Variants in ANK1 observed in about 807,000 individuals in gnomAD.
ANK1 encodes the protein ankyrin 1, also known as ankyrin-1.
A neutral mutation model predicts 210.4 loss-of-function variants in ANK1; 51 were observed. The ratio of observed to expected loss-of-function variants is 0.24; its 90% confidence interval spans 0.19 to 0.31. The LOEUF is 0.31. Ranked by LOEUF, ANK1 falls within the 10% of genes least tolerant of loss-of-function variation. The pLI is 1.00. For missense variants in ANK1, 2,051 were observed against 2,504.4 expected (o/e 0.82, Z 3.86); for synonymous variants, 967 against 1,025.9 (o/e 0.94, Z 1.10).
intron 1 of ANK1, among the ~76,000 whole-genome samples, chr8:41,871,889 C>T (rs1315536116): frequency 6.6e-6 from 1 of 152,214 alleles, no homozygotes; most frequent in Non-Finnish European, 1.5e-5. Flanking sequence ...ACCCACCCAG[C>T]ACAAGCAGAC....
chr8:41,736,903 C>T (rs766867039), intron 2 of ANK1, among the ~76,000 whole-genome samples: 39 of 152,278 alleles, frequency 2.6e-4, no homozygotes, highest in Admixed American at 6.5e-4. Flanking sequence ...AGTAGTCAAA[C>T]GATTGGCAGA....
chr8:41,725,385 C>T (rs566899352), intron 6 of ANK1, among the ~76,000 whole-genome samples: 54 of 152,338 alleles, frequency 3.5e-4, no homozygotes, highest in South Asian at 1.4e-3. Flanking sequence ...GACCCCCTTT[C>T]TCCACACCCC....
chr8:41,747,643 A>G (rs1836520285), intron 2 of ANK1, among the ~76,000 whole-genome samples: 1 of 152,178 alleles, frequency 6.6e-6, no homozygotes, highest in South Asian at 2.1e-4. Flanking sequence ...ACACAGGCCT[A>G]TCTTTTTTCT....
At chr8:41,851,333 G>A (rs951538523) in intron 1 of ANK1, among the ~76,000 whole-genome samples, 2 of 152,234 alleles carry the variant, frequency 1.3e-5, no homozygotes, top group African/African-American at 2.4e-5. Flanking sequence ...GGCAGTGGGC[G>A]TTGCAGGCCC....
chr8:41,779,310 C>T (rs1017759185), intron 1 of ANK1, among the ~76,000 whole-genome samples: 4 of 152,120 alleles, frequency 2.6e-5, no homozygotes, highest in Admixed American at 6.5e-5. Context: ...TCCAGTGGCA[C>T]AATCATAGCT....
rs192123984 is a variant in ANK1 at position 41,756,474 on chromosome 8, G to A, written c.129+1562C>T. Among the ~76,000 whole-genome samples, 124 of 145,432 alleles carry A rather than the reference G, an allele frequency of 8.5e-4. 2 individuals are homozygous for A. Among genetic ancestry groups the A allele is most frequent in the Non-Finnish European group, 1.5e-3 (99 of 66,852 alleles). On this transcript the variant is annotated intron_variant, in intron 2 of 42. Transcript: ENST00000289734. ...TATTTTATTTCTGAGATGGAGTCTCGCTCTGTCACCCAGGCTGGAGTGCAA... is the reference window on the plus strand; with the variant it reads ...TATTTTATTTCTGAGATGGAGTCTCACTCTGTCACCCAGGCTGGAGTGCAA...
At chr8:41,739,322 TTA>T (rs746250339) in intron 2 of ANK1, among the ~76,000 whole-genome samples, 7 of 152,210 alleles carry the variant, frequency 4.6e-5, no homozygotes, top group Admixed American at 2.0e-4. Context: ...GAACTTTTTC[TTA>T]TAGTTTTCAT....
At chr8:41,812,017 A>T (rs1302506818) in intron 1 of ANK1, among the ~76,000 whole-genome samples, 1 of 152,202 alleles carries the variant, frequency 6.6e-6, no homozygotes, top group Admixed American at 6.5e-5. Flanking sequence ...GGCAACTGTA[A>T]ACTGGAATGT....
In ANK1 at chr8:41,704,501, G is replaced by C. The variant is rs184543837; in HGVS notation, c.2098-29C>G. 1,752 of 1,562,658 alleles carry C rather than the reference G, an allele frequency of 1.1e-3. 4 individuals carry two copies. Among genetic ancestry groups the C allele is most frequent in the Middle Eastern group, 6.0e-3 (36 of 5,996 alleles). The stretch of plus-strand genomic sequence containing the variant: ...AAAAGCAGATGAGAAGGAGTGACCG[G>C]AGCTGTCCTGAGCTGGGCATCACAT... On this transcript the variant is annotated intron_variant, in intron 18 of 42. Coordinates refer to ENST00000289734, the MANE Select transcript of ANK1 (RefSeq NM_000037.4). The surrounding 1 kb of genome is among the most constrained non-coding windows in gnomAD (Gnocchi z 4.1).
At chr8:41,766,427 T>C (rs988801452) in intron 1 of ANK1, among the ~76,000 whole-genome samples, 14 of 152,360 alleles carry the variant, frequency 9.2e-5, no homozygotes, top group African/African-American at 3.4e-4. Context: ...GTTACAGCTT[T>C]ACAAACTGTC....
In ANK1 at chr8:41,739,514, T is replaced by A. The variant is rs538514533; in HGVS notation, c.130-5445A>T. Among the ~76,000 whole-genome samples the A allele has an allele frequency of 1.9e-4, 22 of 113,224 alleles. 1 individual carries two copies. The highest frequency in any genetic ancestry group is 1.7e-3 in the South Asian group (5 of 2,860). 74.3% of individuals were successfully genotyped at this position (113,224 alleles called of 152,430 possible). On this transcript the variant is annotated intron_variant, in intron 2 of 42. Coordinates refer to ENST00000289734, the MANE Select transcript of ANK1 (RefSeq NM_000037.4). Reference sequence around the variant, plus strand: ...TCTCTCGACAATAGTTCATTGTTTTTTTCTTTCTTTTTTTTTTTTTTTTTT... The same window carrying A: ...TCTCTCGACAATAGTTCATTGTTTTATTCTTTCTTTTTTTTTTTTTTTTTT...
chr8:41,712,460 G>C (rs957102706), intron 16 of ANK1, among the ~76,000 whole-genome samples: 1 of 152,226 alleles, frequency 6.6e-6, no homozygotes, highest in Admixed American at 6.5e-5. Flanking sequence ...AACACGGACT[G>C]CCCCTCTGAG....
intron 2 of ANK1, among the ~76,000 whole-genome samples, chr8:41,735,655 G>C (rs1370683795): frequency 6.6e-6 from 1 of 152,206 alleles, no homozygotes; most frequent in Non-Finnish European, 1.5e-5. Flanking sequence ...TTTTCAGGAG[G>C]TTCTTGTTCA....
In ANK1 at chr8:41,694,628, C is replaced by A. The variant is rs1264919212; in HGVS notation, c.3291G>T (p.Glu1097Asp). The A allele has an allele frequency of 1.9e-6, 3 of 1,614,038 alleles. No individual in the cohort carries two copies. In the Admixed American group the frequency reaches 5.0e-5, roughly 27 times the overall value. The part of the protein sequence containing the change: ...LVPLVQATFP[E>D]NAVTKRVKLA... ...GCTTCACTCTCTTGGTGACGGCATT[C>A]TCCGGGAACGTTGCCTGTACCAGGG... The change falls in exon 28 of 43, where the codon GAG becomes GAT. Residue 1097 changes from glutamate to aspartate, a missense_variant. By Grantham distance (45) the Glu-to-Asp change is conservative (BLOSUM62 2). Around this residue, in one of 6 missense-constraint regions of ANK1, gnomAD observed 1,413 missense variants for 1,707.4 expected, o/e 0.83. Coordinates refer to ENST00000289734, the MANE Select transcript of ANK1 (RefSeq NM_000037.4). The surrounding 1 kb of genome is among the most constrained non-coding windows in gnomAD (Gnocchi z 5.7).
chr8:41,694,504 G>T lies in ANK1; in HGVS notation c.3327+88C>A. 1.5e-6 allele frequency: 2 copies of T among 1,292,182 alleles called. No homozygotes were observed. Among genetic ancestry groups the T allele is most frequent in the Non-Finnish European group, 2.2e-6 (2 of 914,920 alleles). 80.0% of individuals were successfully genotyped at this position (1,292,182 alleles called of 1,614,324 possible). A position where few individuals can be genotyped will look rare whatever the true frequency, so the allele number is the denominator to read the frequency against. On this transcript the variant is annotated intron_variant, in intron 28 of 42. Transcript: ENST00000289734. The surrounding 1 kb of genome is among the most constrained non-coding windows in gnomAD (Gnocchi z 5.7). ...GCATTTCAAAGCACCAGACAAAAGTGTGGGGATGTCCTGGGGAAGAGGGTG... is the reference window on the plus strand; with the variant it reads ...GCATTTCAAAGCACCAGACAAAAGTTTGGGGATGTCCTGGGGAAGAGGGTG...
chr8:41,802,955 G>C (rs1249747822), intron 1 of ANK1, among the ~76,000 whole-genome samples: 1 of 59,268 alleles, frequency 1.7e-5, no homozygotes. Flanking sequence ...GAAAGGGGGG[G>C]GGGGAGAGAG....
intron 1 of ANK1, among the ~76,000 whole-genome samples, chr8:41,852,889 G>A (rs899508915): frequency 6.6e-6 from 1 of 152,196 alleles, no homozygotes; most frequent in African/African-American, 2.4e-5. Flanking sequence ...ACTCTGCCAC[G>A]TTTGACCTAG....
At chr8:41,763,317 A>G (rs1341425006) in intron 1 of ANK1, among the ~76,000 whole-genome samples, 1 of 152,214 alleles carries the variant, frequency 6.6e-6, no homozygotes, top group Admixed American at 6.5e-5. Context: ...TGTTGTTGCC[A>G]TAATAGAATA....
At chr8:41,713,308 C>T (rs1358589217) in intron 16 of ANK1, among the ~76,000 whole-genome samples, 1 of 152,232 alleles carries the variant, frequency 6.6e-6, no homozygotes, top group Non-Finnish European at 1.5e-5. Context: ...TCCCCTTCTC[C>T]CCGCTGGCCA....
Sources: gnomAD v4.1 joint callset for allele counts (sites outside exome capture counted in the v4.1 genomes callset) on GRCh38, gnomAD v4.1.1 for gene constraint, gnomAD v4.1.1 regional missense constraint, Gnocchi (gnomAD v3.1) non-coding constraint, MANE v1.5 for transcripts, NCBI Gene and HGNC (gene_info 2026-07-23, HGNC 2026-07-21) for gene names.